Variants in PCDH7 observed in about 807,000 individuals in gnomAD.
PCDH7 encodes protocadherin 7.
Under a neutral mutation model 58.9 loss-of-function variants are expected in PCDH7, and 17 were observed. That is an observed-to-expected ratio of 0.29 (90% CI 0.20 to 0.43). PCDH7 has a LOEUF of 0.43. Among genes scored for constraint, PCDH7 ranks in the 20% least tolerant of loss-of-function variants. PCDH7 has a pLI of 1.00. For synonymous variants in PCDH7, 664 were observed against 616.4 expected (o/e 1.08, Z -1.14); for missense variants, 1,274 against 1,441.0 (o/e 0.88, Z 1.88).
chr4:31,054,393 G>C (rs1411928448), intron 3 of PCDH7, among the ~76,000 whole-genome samples: 7 of 152,142 alleles, frequency 4.6e-5, no homozygotes, highest in African/African-American at 1.7e-4. Flanking sequence ...AAGTTAGTAC[G>C]TCCCAAAAGG....
intron 1 of PCDH7, among the ~76,000 whole-genome samples, chr4:30,880,615 A>G (rs1468388975): frequency 2.6e-5 from 4 of 152,308 alleles, no homozygotes; most frequent in South Asian, 2.1e-4. Context: ...CAGGAGTTCT[A>G]TCTTCTTGCC....
chr4:30,966,944 C>T (rs1186483210), intron 3 of PCDH7, among the ~76,000 whole-genome samples: 1 of 152,096 alleles, frequency 6.6e-6, no homozygotes, highest in Non-Finnish European at 1.5e-5. Context: ...AGCAATGCAT[C>T]AACTTCTCTA....
chr4:30,986,528 A>G (rs1750980883), intron 3 of PCDH7, among the ~76,000 whole-genome samples: 1 of 152,178 alleles, frequency 6.6e-6, no homozygotes, highest in South Asian at 2.1e-4. Context: ...AGAGACGTGT[A>G]GATAATCCTG....
chr4:30,860,383 G>A (rs1023382703), intron 1 of PCDH7, among the ~76,000 whole-genome samples: 1 of 151,838 alleles, frequency 6.6e-6, no homozygotes, highest in Non-Finnish European at 1.5e-5. Context: ...GTAGAGCAGA[G>A]AGGACATTGG....
At chr4:30,782,446 T>A (rs1722924137) in intron 1 of PCDH7, among the ~76,000 whole-genome samples, 1 of 152,186 alleles carries the variant, frequency 6.6e-6, no homozygotes, top group Non-Finnish European at 1.5e-5. Context: ...TTATTCCTAC[T>A]TTACAAGGAC....
At chr4:31,069,867 TCTC>T (rs1758404045) in intron 3 of PCDH7, among the ~76,000 whole-genome samples, 6 of 90,552 alleles carry the variant, frequency 6.6e-5, no homozygotes, top group Admixed American at 5.5e-4. Context: ...TCTCAAATTT[TCTC>T]CACTTGATTC....
intron 3 of PCDH7, among the ~76,000 whole-genome samples, chr4:30,958,715 T>A (rs1405815460): frequency 6.6e-6 from 1 of 152,024 alleles, no homozygotes; most frequent in African/African-American, 2.4e-5. Flanking sequence ...TGTTTCTTTT[T>A]AAGAATTTTG....
intron 1 of PCDH7, among the ~76,000 whole-genome samples, chr4:30,742,669 G>A (rs1018262850): frequency 1.7e-4 from 26 of 152,088 alleles, no homozygotes; most frequent in Middle Eastern, 3.2e-3. Context: ...CTTGCCTGGA[G>A]TTCAGAGTTG....
At chr4:30,900,563 C>T (rs1307647785) in intron 1 of PCDH7, among the ~76,000 whole-genome samples, 1 of 152,204 alleles carries the variant, frequency 6.6e-6, no homozygotes, top group Non-Finnish European at 1.5e-5. Context: ...TACATCAATA[C>T]TCTTCTTATC....
chr4:31,027,569 T>C (rs1184984061), intron 3 of PCDH7, among the ~76,000 whole-genome samples: 2 of 151,994 alleles, frequency 1.3e-5, no homozygotes, highest in Non-Finnish European at 2.9e-5. Flanking sequence ...ATTATAGCCA[T>C]GCACCACCAC....
chr4:30,825,577 C>G (rs1728999274), intron 1 of PCDH7, among the ~76,000 whole-genome samples: 1 of 152,100 alleles, frequency 6.6e-6, no homozygotes, highest in African/African-American at 2.4e-5. Flanking sequence ...GTTATTGATG[C>G]TTCTTGCTTA....
chr4:30,776,222 A>G (rs1722051175), intron 1 of PCDH7: 1 of 152,254 alleles, frequency 6.6e-6, no homozygotes, highest in South Asian at 2.1e-4. Flanking sequence ...TACCACATTC[A>G]TTGACTTAAA....
intron 3 of PCDH7, among the ~76,000 whole-genome samples, chr4:31,072,441 G>C (rs772967991): frequency 1.3e-5 from 2 of 152,030 alleles, no homozygotes; most frequent in Non-Finnish European, 2.9e-5. Flanking sequence ...TGTGGAAAGA[G>C]ATAATTTTTT....
At chr4:31,040,467 C>T (rs1181979189) in intron 3 of PCDH7, among the ~76,000 whole-genome samples, 2 of 152,174 alleles carry the variant, frequency 1.3e-5, no homozygotes, top group African/African-American at 2.4e-5. Context: ...ATTATATTCA[C>T]TTAAAATTTG....
intron 1 of PCDH7, among the ~76,000 whole-genome samples, chr4:30,848,361 C>A (rs1732262133): frequency 6.6e-6 from 1 of 152,056 alleles, no homozygotes; most frequent in African/African-American, 2.4e-5. Flanking sequence ...AGGTGATTCT[C>A]TGCAAAATTA....
chr4:30,853,605 T>C (rs1733066671), intron 1 of PCDH7, among the ~76,000 whole-genome samples: 1 of 152,136 alleles, frequency 6.6e-6, no homozygotes, highest in Non-Finnish European at 1.5e-5. Flanking sequence ...AGGGTATCAC[T>C]AAGAGGTGGC....
intron 1 of PCDH7, among the ~76,000 whole-genome samples, chr4:30,755,533 A>C (rs1719179397): frequency 6.6e-6 from 1 of 152,142 alleles, no homozygotes; most frequent in African/African-American, 2.4e-5. Context: ...CTATAGCCAC[A>C]AAGTAGTCCC....
At chr4:30,979,792 A>C (rs1750396265) in intron 3 of PCDH7, among the ~76,000 whole-genome samples, 1 of 152,264 alleles carries the variant, frequency 6.6e-6, no homozygotes, top group African/African-American at 2.4e-5. Flanking sequence ...ACAAGCCTGC[A>C]TAAAATGAAT....
At chr4:30,800,601 G>A (rs1361772615) in intron 1 of PCDH7, among the ~76,000 whole-genome samples, 1 of 152,182 alleles carries the variant, frequency 6.6e-6, no homozygotes, top group African/African-American at 2.4e-5. Context: ...CAGGAAAAGT[G>A]AGGATATTTG....
Sources: allele counts gnomAD v4.1 joint callset (sites outside exome capture counted in the v4.1 genomes callset), GRCh38; gene constraint gnomAD v4.1.1; transcripts MANE v1.5; gene names NCBI Gene and HGNC (gene_info 2026-07-23, HGNC 2026-07-21).